Variants in BBX observed in about 807,000 individuals in gnomAD.
BBX encodes BBX high mobility group box domain containing, also known as HMG box transcription factor BBX.
A neutral mutation model predicts 100.2 loss-of-function variants in BBX; 30 were observed. That is an observed-to-expected ratio of 0.30 (90% CI 0.22 to 0.41). The LOEUF is 0.41. Ranked by LOEUF, BBX falls within the 10% of genes least tolerant of loss-of-function variation. BBX has a pLI of 1.00. For synonymous variants in BBX, 376 were observed against 388.1 expected (o/e 0.97, Z 0.37); for missense variants, 1,023 against 1,129.8 (o/e 0.91, Z 1.35).
At position 107,716,334 on chromosome 3, in the gene BBX, G is replaced by A. The variant is rs986602709; in HGVS notation, c.163-273G>A. 2.1e-5 allele frequency: 7 copies of A among 335,930 alleles called. No individual in the cohort carries two copies. The Admixed American group carries it at 3.0e-4, about 14-fold the overall frequency. 20.8% of individuals were successfully genotyped at this position (335,930 alleles called of 1,614,324 possible). A position where few individuals can be genotyped will look rare whatever the true frequency, so the allele number is the denominator to read the frequency against. Reference sequence around the variant, plus strand: ...TCAAAGAGCTCACTGTTTAGTGAGAGAGAAAAAAATGTAAGCAATTATAAC... The same window carrying A: ...TCAAAGAGCTCACTGTTTAGTGAGAAAGAAAAAAATGTAAGCAATTATAAC... On this transcript the variant is annotated intron_variant, in intron 4 of 17. Coordinates refer to ENST00000325805, the MANE Select transcript of BBX (RefSeq NM_001142568.3).
At chr3:107,604,861 A>G (rs1166857644) in intron 2 of BBX, among the ~76,000 whole-genome samples, 1 of 152,126 alleles carries the variant, frequency 6.6e-6, no homozygotes, top group African/African-American at 2.4e-5. Flanking sequence ...AATGCCAGAA[A>G]TTTATTACAT....
At chr3:107,715,163 T>C (rs567278773) in intron 4 of BBX, among the ~76,000 whole-genome samples, 1 of 152,254 alleles carries the variant, frequency 6.6e-6, no homozygotes, top group African/African-American at 2.4e-5. Context: ...CCAATAAACA[T>C]TGTAATAAAA....
At position 107,772,888 on chromosome 3, in the gene BBX, C is replaced by T; in HGVS notation, c.1167C>T (p.Pro389=). The change falls in exon 11 of 18, where the codon CCC becomes CCT. Residue 389 remains proline, a synonymous_variant. Coordinates refer to ENST00000325805, the MANE Select transcript of BBX (RefSeq NM_001142568.3). ...TAATGGCTATAAAAATGGAAGATCC[C>T]AAAGAAATTAGAAAGGAAGAGTTAG... ...DDIMAIKMED[P]KEIRKEELEE... is the part of the protein sequence containing the mutation. The T allele has an allele frequency of 1.2e-6, 2 of 1,611,208 alleles. No homozygotes were observed. Among genetic ancestry groups the T allele is most frequent in the Non-Finnish European group, 1.7e-6 (2 of 1,179,318 alleles).
At chr3:107,630,098 A>G (rs1266271063) in intron 2 of BBX, among the ~76,000 whole-genome samples, 1 of 152,108 alleles carries the variant, frequency 6.6e-6, no homozygotes, top group Non-Finnish European at 1.5e-5. Context: ...TTCTATATCC[A>G]TAGCGGTTCT....
At chr3:107,588,975 TG>T (rs1484271849) in intron 2 of BBX, among the ~76,000 whole-genome samples, 2 of 152,220 alleles carry the variant, frequency 1.3e-5, no homozygotes, top group African/African-American at 4.8e-5. Context: ...ATACCATAAA[TG>T]ATGTCTCCAA....
At chr3:107,757,789 C>T (rs1268696992) in intron 10 of BBX, among the ~76,000 whole-genome samples, 1 of 152,138 alleles carries the variant, frequency 6.6e-6, no homozygotes, top group East Asian at 1.9e-4. Context: ...ATTTCTGATG[C>T]ATTTTAAGAT....
At chr3:107,646,888 G>C (rs2057549686) in intron 3 of BBX, among the ~76,000 whole-genome samples, 1 of 152,026 alleles carries the variant, frequency 6.6e-6, no homozygotes, top group Non-Finnish European at 1.5e-5. Flanking sequence ...TTGCTTCTAT[G>C]ATGTCAGTAT....
At chr3:107,792,209 T>C (rs1339414221) in intron 15 of BBX, among the ~76,000 whole-genome samples, 1 of 152,218 alleles carries the variant, frequency 6.6e-6, no homozygotes, top group Admixed American at 6.5e-5. Context: ...GTTGATTCTC[T>C]TTTTTTCATT....
At chr3:107,723,859 C>T (rs943678471) in intron 5 of BBX, among the ~76,000 whole-genome samples, 10 of 152,134 alleles carry the variant, frequency 6.6e-5, no homozygotes, top group Admixed American at 2.0e-4. Context: ...TGAGTATTGC[C>T]GCAATAAACA....
chr3:107,653,701 C>T (rs1006392178), intron 3 of BBX, among the ~76,000 whole-genome samples: 6 of 152,144 alleles, frequency 3.9e-5, no homozygotes, highest in Admixed American at 3.3e-4. Context: ...TACCAAGCGT[C>T]TCCTTATGAC....
chr3:107,677,262 T>G (rs1296697608), intron 3 of BBX, among the ~76,000 whole-genome samples: 1 of 152,166 alleles, frequency 6.6e-6, no homozygotes, highest in Non-Finnish European at 1.5e-5. Flanking sequence ...TATCCATTAG[T>G]TAGAAAATAA....
intron 15 of BBX, among the ~76,000 whole-genome samples, chr3:107,797,456 A>G (rs549401920): frequency 2.2e-4 from 32 of 148,736 alleles, no homozygotes; most frequent in African/African-American, 7.9e-4. Flanking sequence ...TCTGACCCAC[A>G]TTCTCCTTTT....
In BBX at chr3:107,740,237, A is replaced by G. The variant is rs559606249; in HGVS notation, c.670-4393A>G. Among the ~76,000 whole-genome samples the G allele has an allele frequency of 1.2e-3, 186 of 151,984 alleles. 1 individual carries two copies. The highest frequency in any genetic ancestry group is 4.4e-3 in the African/African-American group (181 of 41,464). On this transcript the variant is annotated intron_variant, in intron 7 of 17. Transcript: ENST00000325805. ...CTCTCAGATGGAATCCTCTACCCCA[A>G]AACCATCTCTTCTCATAAAAGACAC...
chr3:107,773,295 A>G lies in BBX; in HGVS notation c.1574A>G (p.Lys525Arg). The change falls in exon 11 of 18, where the codon AAG becomes AGG. Residue 525 changes from lysine (K) to arginine (R), a missense_variant. Physicochemically the swap from Lys to Arg is conservative, Grantham distance 26. Coordinates refer to ENST00000325805, the MANE Select transcript of BBX (RefSeq NM_001142568.3). The surrounding 1 kb of genome is among the most constrained non-coding windows in gnomAD (Gnocchi z 4.1). ...SSGKGSILDA[K>R]PPKKKVKSRE... ...GGCAAGGGAAGCATTTTGGATGCCA[A>G]GCCACCAAAGAAAAAAGTGAAATCA... 1.2e-6 allele frequency: 2 copies of G among 1,614,082 alleles called. No homozygotes were observed. The highest frequency in any genetic ancestry group is 1.7e-6 in the Non-Finnish European group (2 of 1,179,976).
intron 2 of BBX, among the ~76,000 whole-genome samples, chr3:107,629,299 G>C (rs2056400341): frequency 6.6e-6 from 1 of 152,162 alleles, no homozygotes; most frequent in South Asian, 2.1e-4. Flanking sequence ...AATTTCACTT[G>C]AAACCTATCC....
chr3:107,789,762 A>C, intron 13 of BBX, 25 bp from the exon 14 acceptor site: 1 of 1,361,664 alleles, frequency 7.3e-7, no homozygotes, highest in Non-Finnish European at 9.9e-7. Flanking sequence ...AATTTAAAAT[A>C]TATTTATATT....
intron 10 of BBX, among the ~76,000 whole-genome samples, chr3:107,757,291 T>C (rs1255123758): frequency 6.6e-6 from 1 of 152,002 alleles, no homozygotes; most frequent in Non-Finnish European, 1.5e-5. Context: ...TTCTTTGGCA[T>C]AGCAGTCATA....
chr3:107,654,900 A>T (rs915861286), intron 3 of BBX, among the ~76,000 whole-genome samples: 1 of 152,242 alleles, frequency 6.6e-6, no homozygotes, highest in Non-Finnish European at 1.5e-5. Context: ...TCAACCCAGC[A>T]TATGGCAGGC....
intron 9 of BBX, among the ~76,000 whole-genome samples, chr3:107,750,479 G>A (rs1019696162): frequency 6.6e-6 from 1 of 152,110 alleles, no homozygotes; most frequent in African/African-American, 2.4e-5. Flanking sequence ...TGTAACCATT[G>A]GTAATAGCCC....
Sources: allele counts gnomAD v4.1 joint callset (sites outside exome capture counted in the v4.1 genomes callset), GRCh38; gene constraint gnomAD v4.1.1; non-coding constraint Gnocchi (gnomAD v3.1); transcripts MANE v1.5; gene names NCBI Gene and HGNC (gene_info 2026-07-23, HGNC 2026-07-21).